DNAJB6: variants seen among roughly 807,000 people sequenced by gnomAD.
DNAJB6 encodes dnaJ homolog subfamily B member 6.
DNAJB6 carries 16 observed loss-of-function variants against 42.7 expected under a neutral mutation model. The ratio of observed to expected loss-of-function variants is 0.37; its 90% CI spans 0.25 to 0.57. The LOEUF (loss-of-function observed/expected upper bound fraction) is 0.57, where lower values mean the gene tolerates loss of function less well. Among genes scored for constraint, DNAJB6 ranks in the 20% least tolerant of loss-of-function variants. The probability of loss-of-function intolerance (pLI) is 0.74; values close to 1 mark genes in which losing one functional copy is unlikely to be tolerated. For missense variants in DNAJB6, 347 were observed against 416.8 expected (o/e 0.83, Z 1.46); for synonymous variants, 170 against 163.5 (o/e 1.04, Z -0.30).
intron 5 of DNAJB6, among the ~76,000 whole-genome samples, chr7:157,377,875 C>G (rs977976296): frequency 2.0e-5 from 3 of 152,188 alleles, no homozygotes; most frequent in Non-Finnish European, 4.4e-5. Context: ...AGGGCAAGAA[C>G]AAGGTCATAG....
chr7:157,368,408 C>T (rs147921096), intron 5 of DNAJB6, among the ~76,000 whole-genome samples: 20 of 152,252 alleles, frequency 1.3e-4, no homozygotes, highest in African/African-American at 4.3e-4. Flanking sequence ...ACCTTTCATC[C>T]GTAAACATTG....
chr7:157,337,766 A>T (rs926015493), intron 1 of DNAJB6: 1 of 152,290 alleles, frequency 6.6e-6, no homozygotes, highest in Non-Finnish European at 1.5e-5. Flanking sequence ...AGTTGATGCA[A>T]CTGAAGTTTA....
At chr7:157,366,636 TG>T in intron 4 of DNAJB6, 75 bp downstream of exon 4, 1 of 1,389,174 alleles carries the variant, frequency 7.2e-7, no homozygotes, top group Non-Finnish European at 1.0e-6. Flanking sequence ...ACGAGTCTCT[TG>T]GTCAGAGTCG....
At chr7:157,383,673 G>A (rs1183588066) in intron 6 of DNAJB6, among the ~76,000 whole-genome samples, 1 of 151,730 alleles carries the variant, frequency 6.6e-6, no homozygotes, top group African/African-American at 2.4e-5. Flanking sequence ...CCACTTCTGA[G>A]GTGCCTTACA....
chr7:157,353,623 A>ATTT (rs1355202047), intron 1 of DNAJB6, among the ~76,000 whole-genome samples: 4 of 82,008 alleles, frequency 4.9e-5, no homozygotes, highest in Admixed American at 2.5e-4. Flanking sequence ...GTGTGTGTGT[A>ATTT]TGTATTTTTT....
At chr7:157,391,689 A>G (rs1198983618) in intron 8 of DNAJB6, among the ~76,000 whole-genome samples, 1 of 152,218 alleles carries the variant, frequency 6.6e-6, no homozygotes, top group African/African-American at 2.4e-5. Context: ...CAAAATATTG[A>G]TGTCCTTTTC....
chr7:157,363,131 A>T (rs370420823), intron 2 of DNAJB6, 30 bp from the exon 3 acceptor site: 39 of 1,444,806 alleles, frequency 2.7e-5, no homozygotes, highest in Non-Finnish European at 2.7e-5. Flanking sequence ...TGGATTTAGA[A>T]TGTGATCTAT....
chr7:157,352,287 C>G (rs919012526), intron 1 of DNAJB6, among the ~76,000 whole-genome samples: 2 of 151,932 alleles, frequency 1.3e-5, no homozygotes, highest in African/African-American at 2.4e-5. Flanking sequence ...CAAAATTGTG[C>G]TACTCTACTC....
rs35743737 is a variant in DNAJB6 at position 157,416,480 on chromosome 7, G to A, written c.*382G>A. 2.5e-3 allele frequency: 500 copies of A among 197,686 alleles called. 3 individuals are homozygous for A. Among genetic ancestry groups the A allele is most frequent in the South Asian group, 7.2e-3 (64 of 8,844 alleles). The allele number at this position is 197,686 out of a possible 1,614,324, so 12.2% of individuals were successfully genotyped here. ...GCTAACTGAGTAACATTCATGAAAT[G>A]AGGCTTTCTGTGGCGGCGTAGTGTT... On this transcript the variant is annotated 3_prime_UTR_variant, in exon 10 of 10. Transcript: ENST00000262177.
intron 2 of DNAJB6, among the ~76,000 whole-genome samples, chr7:157,360,690 A>G (rs58704260): frequency 0.023 from 3,509 of 152,214 alleles, 152 homozygotes; most frequent in East Asian, 0.18. Flanking sequence ...AATGATAGCT[A>G]TGGGGGCGTG....
intron 5 of DNAJB6, chr7:157,369,519 A>C (rs1428241551): frequency 2.4e-6 from 1 of 413,764 alleles, no homozygotes; most frequent in Non-Finnish European, 4.8e-6. Flanking sequence ...GGGCGTCTTC[A>C]ACAGGCCCTG....
chr7:157,373,749 C>CA (rs1256277702), intron 5 of DNAJB6, among the ~76,000 whole-genome samples: 9 of 152,154 alleles, frequency 5.9e-5, no homozygotes, highest in African/African-American at 2.2e-4. Flanking sequence ...GACCTGGACC[C>CA]ACTATCATTA....
chr7:157,368,495 A>G (rs966860632), intron 5 of DNAJB6: 1 of 152,264 alleles, frequency 6.6e-6, no homozygotes, highest in African/African-American at 2.4e-5. Flanking sequence ...CTGAGGAGAG[A>G]ATGGTTTTGT....
intron 3 of DNAJB6, 121 bp from the exon 4 acceptor site, chr7:157,366,381 T>C: frequency 1.2e-6 from 1 of 842,340 alleles, no homozygotes; most frequent in Non-Finnish European, 1.9e-6. Flanking sequence ...AAGGTGGCCA[T>C]ACTCCTTGAA....
intron 1 of DNAJB6, among the ~76,000 whole-genome samples, chr7:157,346,314 A>G (rs1477347599): frequency 1.7e-5 from 2 of 115,738 alleles, no homozygotes; most frequent in East Asian, 4.6e-4. Flanking sequence ...TGCAAGGAGT[A>G]GTAAAAAAAA....
intron 9 of DNAJB6, chr7:157,412,924 G>A (rs1005435): frequency 0.52 from 79,471 of 152,126 alleles, 23,116 homozygotes; most frequent in East Asian, 0.69. Flanking sequence ...AATACTGAAC[G>A]TACTGCTTCT....
chr7:157,404,509 TTCTTTTC>T (rs1378850984), intron 8 of DNAJB6, among the ~76,000 whole-genome samples: 15 of 147,960 alleles, frequency 1.0e-4, no homozygotes, highest in African/African-American at 3.9e-4. Context: ...TCTGTCTTTT[TTCTTTTC>T]TTTTTTTTTT....
intron 1 of DNAJB6, among the ~76,000 whole-genome samples, chr7:157,352,776 A>G (rs1314405338): frequency 6.6e-6 from 1 of 152,068 alleles, no homozygotes; most frequent in East Asian, 1.9e-4. Flanking sequence ...TCTGTAAACA[A>G]CCATGGAAGT....
At chr7:157,404,569 G>GGTGTTGCCCAGCCTGGA (rs1795684633) in intron 8 of DNAJB6, among the ~76,000 whole-genome samples, 1 of 146,100 alleles carries the variant, frequency 6.8e-6, no homozygotes, top group Non-Finnish European at 1.5e-5. Flanking sequence ...GGAGTGCAGT[G>GGTGTTGCCCAGCCTGGA]GTGCAATCTT....
Sources: gnomAD v4.1 joint callset for allele counts (sites outside exome capture counted in the v4.1 genomes callset) on GRCh38, gnomAD v4.1.1 for gene constraint, MANE v1.5 for transcripts, NCBI Gene and HGNC (gene_info 2026-07-23, HGNC 2026-07-21) for gene names.